The following RAI14 variants were observed in gnomAD, a reference collection of about 807,000 sequenced individuals.
RAI14 encodes the protein ankycorbin.
In RAI14, 45 loss-of-function variants were observed where a neutral mutation model predicts 115.4. The ratio of observed to expected loss-of-function variants is 0.39; its 90% confidence interval spans 0.31 to 0.50. The LOEUF (loss-of-function observed/expected upper bound fraction) is 0.50, where lower values mean the gene tolerates loss of function less well. Among genes scored for constraint, RAI14 ranks in the 20% least tolerant of loss-of-function variants. The probability of loss-of-function intolerance (pLI) is 0.85; values close to 1 mark genes in which losing one functional copy is unlikely to be tolerated. For missense variants in RAI14, 939 were observed against 1,131.2 expected, an observed-to-expected ratio of 0.83 and a Z score of 2.44; for synonymous variants, 371 against 415.4, an observed-to-expected ratio of 0.89 and a Z score of 1.30.
At chr5:34,672,194 G>A (rs256287) in intron 1 of RAI14, among the ~76,000 whole-genome samples, 29,557 of 152,036 alleles carry the variant, frequency 0.19, 3,820 homozygotes, top group Non-Finnish European at 0.28. Context: ...TTGTAGGCTG[G>A]GGTCCTATGG....
chr5:34,768,298 A>G (rs867918818), intron 3 of RAI14, among the ~76,000 whole-genome samples: 4 of 152,266 alleles, frequency 2.6e-5, no homozygotes, highest in Non-Finnish European at 2.9e-5. Flanking sequence ...CATAATTAAT[A>G]AGAAACAATT....
chr5:34,763,794 C>T lies in RAI14; in HGVS notation c.167+6196C>T, dbSNP rs937618426. Reference sequence around the variant, plus strand: ...GAACCAGTAGTGGATTATACTGTAACCAGGGTGGATACAGGCAAATGGGGT... The same window carrying T: ...GAACCAGTAGTGGATTATACTGTAATCAGGGTGGATACAGGCAAATGGGGT... On this transcript the variant is annotated intron_variant, in intron 3 of 17. Transcript: ENST00000265109. 2.0e-5 allele frequency among the ~76,000 whole-genome samples: 3 copies of T among 152,162 alleles called. No homozygotes were observed. In the East Asian group the frequency reaches 5.8e-4, roughly 29 times the overall value.
chr5:34,824,374 C>T lies in RAI14; in HGVS notation c.2532C>T (p.Ser844=). The change falls in exon 15 of 18, where the codon TCC becomes TCT. Residue 844 remains serine, a synonymous_variant. Coordinates refer to ENST00000265109, the MANE Select transcript of RAI14 (RefSeq NM_015577.3). ...AAAATATTCAGACTCTCTTGAAATCCAAAGAGCAAGAAGTAAATGAACTTC... is the reference window on the plus strand; with the variant it reads ...AAAATATTCAGACTCTCTTGAAATCTAAAGAGCAAGAAGTAAATGAACTTC... ...EKENIQTLLK[S]KEQEVNELLQ... The T allele has an allele frequency of 6.2e-7, 1 of 1,613,170 alleles. No individual in the cohort carries two copies. The highest frequency in any genetic ancestry group is 8.5e-7 in the Non-Finnish European group (1 of 1,179,296).
intron 2 of RAI14, among the ~76,000 whole-genome samples, chr5:34,727,810 T>G (rs1458047627): frequency 2.6e-5 from 4 of 152,072 alleles, no homozygotes; most frequent in Admixed American, 6.5e-5. Context: ...CAGGCAGAAG[T>G]TTGCATGGGG....
intron 3 of RAI14, among the ~76,000 whole-genome samples, chr5:34,784,073 T>C (rs571497931): frequency 3.3e-4 from 50 of 152,378 alleles, no homozygotes; most frequent in Non-Finnish European, 6.2e-4. Context: ...AGATGCGGAA[T>C]GCACCATTTG....
chr5:34,767,556 C>G (rs1452632613), intron 3 of RAI14, among the ~76,000 whole-genome samples: 3 of 151,972 alleles, frequency 2.0e-5, no homozygotes, highest in Admixed American at 2.0e-4. Flanking sequence ...TGCTCAGTTC[C>G]TGCCTTCCAA....
intron 2 of RAI14, among the ~76,000 whole-genome samples, chr5:34,746,550 G>T (rs1191993825): frequency 6.6e-6 from 1 of 151,336 alleles, no homozygotes; most frequent in African/African-American, 2.4e-5. Flanking sequence ...GATTACAGGT[G>T]CATGCCACCA....
At chr5:34,749,728 T>C (rs756434388) in intron 2 of RAI14, among the ~76,000 whole-genome samples, 9 of 152,332 alleles carry the variant, frequency 5.9e-5, no homozygotes, top group Non-Finnish European at 1.0e-4. Flanking sequence ...GGGTAAGGGC[T>C]CTTTCCCACA....
chr5:34,670,795 T>C (rs1743558462), intron 1 of RAI14, among the ~76,000 whole-genome samples: 1 of 152,238 alleles, frequency 6.6e-6, no homozygotes, highest in Non-Finnish European at 1.5e-5. Flanking sequence ...CCCAGTCTTA[T>C]CTTATTCCAG....
intron 3 of RAI14, among the ~76,000 whole-genome samples, chr5:34,789,279 A>G (rs141603205): frequency 1.3e-5 from 2 of 152,332 alleles, no homozygotes; most frequent in East Asian, 3.9e-4. Flanking sequence ...TCTACCCACC[A>G]TCATCTACAT....
At chr5:34,739,851 C>T (rs979269282) in intron 2 of RAI14, among the ~76,000 whole-genome samples, 9 of 152,020 alleles carry the variant, frequency 5.9e-5, no homozygotes, top group African/African-American at 1.5e-4. Context: ...CACCTGAGGT[C>T]AGGAGTTCAA....
At chr5:34,757,661 C>G (rs909581109) in intron 3 of RAI14, 63 bp downstream of exon 3, 3 of 1,526,236 alleles carry the variant, frequency 2.0e-6, no homozygotes, top group Non-Finnish European at 2.6e-6. Flanking sequence ...TCTCTGGAAT[C>G]CTTAGTATCC....
intron 2 of RAI14, chr5:34,688,127 G>A: frequency 6.6e-7 from 1 of 1,520,446 alleles, no homozygotes; most frequent in Non-Finnish European, 8.8e-7. Flanking sequence ...AAAACTAGCT[G>A]TTGGCCAGAG....
At chr5:34,701,266 C>G (rs930743526) in intron 2 of RAI14, among the ~76,000 whole-genome samples, 3 of 152,082 alleles carry the variant, frequency 2.0e-5, no homozygotes, top group Non-Finnish European at 2.9e-5. Context: ...AATATTTTAC[C>G]CTAAAATATG....
At chr5:34,674,250 A>G (rs533816452) in intron 1 of RAI14, among the ~76,000 whole-genome samples, 22 of 152,322 alleles carry the variant, frequency 1.4e-4, no homozygotes, top group East Asian at 3.9e-4. Context: ...TGTCATTAAC[A>G]TATTTATATA....
rs973398568 is a variant in RAI14 at position 34,826,267 on chromosome 5, T to C, written c.2650-63T>C. The C allele has an allele frequency of 1.1e-5, 16 of 1,496,824 alleles. No homozygotes were observed. The African/African-American group carries it at 2.1e-4, about 20-fold the overall frequency. 92.7% of individuals were successfully genotyped at this position (1,496,824 alleles called of 1,614,324 possible). ...GATGACTATGTTTGAGGCTTACAAATATATGAAATTTTGCTTTGTAGACAT... is the reference window on the plus strand; with the variant it reads ...GATGACTATGTTTGAGGCTTACAAACATATGAAATTTTGCTTTGTAGACAT... On this transcript the variant is annotated intron_variant, in intron 15 of 17. Transcript: ENST00000265109.
chr5:34,749,462 A>G (rs1015868426), intron 2 of RAI14, among the ~76,000 whole-genome samples: 1 of 152,246 alleles, frequency 6.6e-6, no homozygotes, highest in Non-Finnish European at 1.5e-5. Context: ...TGATTAAACC[A>G]AAATAAAAGA....
intron 2 of RAI14, among the ~76,000 whole-genome samples, chr5:34,692,959 C>G (rs1477340079): frequency 6.6e-6 from 1 of 152,132 alleles, no homozygotes; most frequent in Non-Finnish European, 1.5e-5. Context: ...CATGCTCTGA[C>G]CTAGATTCTG....
At chr5:34,685,551 A>AC (rs1438593942) in intron 1 of RAI14, 4 of 147,972 alleles carry the variant, frequency 2.7e-5, no homozygotes, top group African/African-American at 1.0e-4. Flanking sequence ...AACTACCTAT[A>AC]CCCCCCAAAC....
Sources: gnomAD v4.1 joint callset for allele counts (sites outside exome capture counted in the v4.1 genomes callset) on GRCh38, gnomAD v4.1.1 for gene constraint, MANE v1.5 for transcripts, NCBI Gene and HGNC (gene_info 2026-07-23, HGNC 2026-07-21) for gene names.